Variants in MYO16 observed in about 807,000 individuals in gnomAD.
MYO16 encodes myosin XVI.
MYO16 carries 94 observed loss-of-function variants against 205.3 expected under a neutral mutation model. The ratio of observed to expected loss-of-function variants is 0.46; its 90% CI spans 0.39 to 0.54. The LOEUF (loss-of-function observed/expected upper bound fraction) is 0.54, where lower values mean the gene tolerates loss of function less well. Among genes scored for constraint, MYO16 ranks in the 20% least tolerant of loss-of-function variants. The pLI, the probability that MYO16 is intolerant of heterozygous loss-of-function variation, is 0.00. For synonymous variants in MYO16, 988 were observed against 954.0 expected (o/e 1.04, Z -0.66); for missense variants, 2,315 against 2,387.5 (o/e 0.97, Z 0.63).
Position 109,127,142 on chromosome 13 carries a change from C to A in MYO16, c.3783-140C>A. 1 of 1,139,306 alleles carries A rather than the reference C, an allele frequency of 8.8e-7. No homozygotes were observed. Among genetic ancestry groups the A allele is most frequent in the Non-Finnish European group, 1.2e-6 (1 of 831,940 alleles). The allele number at this position is 1,139,306 out of a possible 1,614,324, so 70.6% of individuals were successfully genotyped here. A position where few individuals can be genotyped will look rare whatever the true frequency, so the allele number is the denominator to read the frequency against. On this transcript the variant is annotated intron_variant, in intron 30 of 34. Coordinates refer to ENST00000457511, the MANE Select transcript of MYO16 (RefSeq NM_001198950.3). The surrounding 1 kb of genome is among the most constrained non-coding windows in gnomAD (Gnocchi z 4.2). ...GGACCAACTGGTCACCAGAGGGCTG[C>A]ACACGTCCTCCAGCCACAGCAGGAA...
chr13:108,728,260 AT>A (rs1257496881), intron 4 of MYO16, among the ~76,000 whole-genome samples: 10 of 152,168 alleles, frequency 6.6e-5, no homozygotes, highest in Admixed American at 5.9e-4. Context: ...GGATTTTCAC[AT>A]TTTTTTATGT....
intron 3 of MYO16, among the ~76,000 whole-genome samples, chr13:108,718,309 A>G (rs1566568949): frequency 1.3e-5 from 2 of 152,116 alleles, no homozygotes; most frequent in Non-Finnish European, 2.9e-5. Context: ...GACATTGGCC[A>G]TTGAACTCCA....
At chr13:108,754,572 T>G (rs1472232006) in intron 4 of MYO16, among the ~76,000 whole-genome samples, 1 of 152,076 alleles carries the variant, frequency 6.6e-6, no homozygotes, top group Non-Finnish European at 1.5e-5. Flanking sequence ...AGAAATAGAT[T>G]TAAAAATGGT....
chr13:109,012,821 T>C (rs2139492103), intron 22 of MYO16, among the ~76,000 whole-genome samples: 1 of 151,726 alleles, frequency 6.6e-6, no homozygotes, highest in East Asian at 1.9e-4. Context: ...AGTTTTATTG[T>C]TCAGTAGTTA....
chr13:108,563,172 A>G, the MYO16 span, among the ~76,000 whole-genome samples: 1 of 152,184 alleles, frequency 6.6e-6, no homozygotes, highest in East Asian at 1.9e-4. Flanking sequence ...ATATTTTATA[A>G]CAATATAAGT....
At chr13:108,940,490 C>A (rs1431418279) in intron 16 of MYO16, among the ~76,000 whole-genome samples, 1 of 152,174 alleles carries the variant, frequency 6.6e-6, no homozygotes. Flanking sequence ...AATGCACTTA[C>A]TCCCATCAGC....
At chr13:108,614,100 G>A (rs138460463) in intron 1 of MYO16, among the ~76,000 whole-genome samples, 1 of 152,018 alleles carries the variant, frequency 6.6e-6, no homozygotes, top group Non-Finnish European at 1.5e-5. Context: ...CATATAAAAT[G>A]TAGAACCAAT....
chr13:109,165,129 G>A (rs1041137302), intron 33 of MYO16, 70 bp downstream of exon 33: 30 of 1,206,846 alleles, frequency 2.5e-5, no homozygotes, highest in Admixed American at 5.0e-5. Context: ...TGGGAGGAAT[G>A]GATTTAAAAT....
At chr13:109,083,574 G>A (rs1270170655) in intron 27 of MYO16, among the ~76,000 whole-genome samples, 3 of 151,956 alleles carry the variant, frequency 2.0e-5, no homozygotes, top group Non-Finnish European at 1.5e-5. Flanking sequence ...AACATAATGA[G>A]AAAAAGACAA....
intron 2 of MYO16, among the ~76,000 whole-genome samples, chr13:108,687,525 C>CT (rs34139308): frequency 0.41 from 61,893 of 151,964 alleles, 12,621 homozygotes; most frequent in South Asian, 0.51. Context: ...TTCCTGGGTT[C>CT]TGCTCTGCAT....
intron 20 of MYO16, 43 bp from the exon 21 acceptor site, chr13:108,992,332 GT>G: frequency 2.1e-6 from 3 of 1,444,294 alleles, no homozygotes; most frequent in Non-Finnish European, 9.7e-7. Context: ...TCATGAAGGA[GT>G]TTTAAGGATG....
At chr13:108,996,130 C>G (rs1401814112) in intron 21 of MYO16, among the ~76,000 whole-genome samples, 3 of 152,132 alleles carry the variant, frequency 2.0e-5, no homozygotes, top group Admixed American at 1.3e-4. Context: ...GACACATGCA[C>G]ATGTATGTTT....
chr13:108,723,710 G>C (rs559749947), intron 3 of MYO16, among the ~76,000 whole-genome samples: 1 of 152,190 alleles, frequency 6.6e-6, no homozygotes, highest in East Asian at 1.9e-4. Context: ...ACACTGCTTT[G>C]ATTGCTATAA....
the MYO16 span, among the ~76,000 whole-genome samples, chr13:108,581,320 GT>G: frequency 2.0e-5 from 3 of 152,132 alleles, no homozygotes; most frequent in African/African-American, 7.2e-5. Flanking sequence ...GGTGGAAATC[GT>G]TTTTGACTGT....
Position 108,800,343 on chromosome 13 carries a change from C to T in MYO16, c.742-6336C>T, listed in dbSNP as rs118063946. ...TTGCCATAAAATTGGGAGGAACTCT[C>T]ATCCACCTTGATACCTACACACAGT... On this transcript the variant is annotated intron_variant, in intron 6 of 34. Coordinates refer to ENST00000457511, the MANE Select transcript of MYO16 (RefSeq NM_001198950.3). 3.2e-4 allele frequency among the ~76,000 whole-genome samples: 48 copies of T among 152,186 alleles called. 2 individuals are homozygous for T. The East Asian group carries it at 8.7e-3, about 28-fold the overall frequency.
intron 33 of MYO16, chr13:109,167,257 G>A (rs903910229): frequency 1.3e-5 from 2 of 152,224 alleles, no homozygotes; most frequent in Non-Finnish European, 2.9e-5. Flanking sequence ...AGTGCCTGGA[G>A]GTGGGCTCAC....
intron 16 of MYO16, among the ~76,000 whole-genome samples, chr13:108,934,709 A>T (rs1449838907): frequency 6.6e-6 from 1 of 151,986 alleles, no homozygotes; most frequent in Admixed American, 6.6e-5. Context: ...CTAGGTTTTC[A>T]TCTAGGATTC....
chr13:108,982,423 G>C (rs886880624), intron 20 of MYO16, among the ~76,000 whole-genome samples: 7 of 151,974 alleles, frequency 4.6e-5, no homozygotes, highest in African/African-American at 1.7e-4. Flanking sequence ...TAAAAAAGGA[G>C]CGTTTGGGCT....
chr13:108,754,598 T>A (rs55670252), intron 4 of MYO16, among the ~76,000 whole-genome samples: 3 of 152,220 alleles, frequency 2.0e-5, no homozygotes, highest in Non-Finnish European at 4.4e-5. Context: ...GACCTTAAGG[T>A]GGAAATAAAA....
Sources: gnomAD v4.1 joint callset for allele counts (sites outside exome capture counted in the v4.1 genomes callset) on GRCh38, gnomAD v4.1.1 for gene constraint, Gnocchi (gnomAD v3.1) non-coding constraint, MANE v1.5 for transcripts, NCBI Gene and HGNC (gene_info 2026-07-23, HGNC 2026-07-21) for gene names.